The following ANKS1B variants were observed in gnomAD, a reference collection of about 807,000 sequenced individuals.
ANKS1B encodes the protein ankyrin repeat and sterile alpha motif domain-containing protein 1B.
Under a neutral mutation model 148.3 loss-of-function variants are expected in ANKS1B, and 36 were observed. The ratio of observed to expected loss-of-function variants is 0.24; its 90% CI spans 0.19 to 0.32. The LOEUF (loss-of-function observed/expected upper bound fraction) is 0.32. Ranked by LOEUF, ANKS1B falls within the 10% of genes least tolerant of loss-of-function variation. The probability of loss-of-function intolerance (pLI) is 1.00; values close to 1 mark genes in which losing one functional copy is unlikely to be tolerated. For missense variants in ANKS1B, 1,157 were observed against 1,542.6 expected, an observed-to-expected ratio of 0.75 and a Z score of 4.19; for synonymous variants, 542 against 560.8, an observed-to-expected ratio of 0.97 and a Z score of 0.47.
chr12:99,157,546 C>T (rs565910207), intron 14 of ANKS1B, among the ~76,000 whole-genome samples: 40 of 152,166 alleles, frequency 2.6e-4, no homozygotes, highest in Non-Finnish European at 1.5e-5. Context: ...AAATGCCTTT[C>T]TTGAGATTCT....
chr12:99,679,769 A>C (rs549956005), intron 8 of ANKS1B, among the ~76,000 whole-genome samples: 62 of 152,356 alleles, frequency 4.1e-4, no homozygotes, highest in Non-Finnish European at 6.6e-4. Flanking sequence ...GGAAGAAAAT[A>C]ACTGTTAAAA....
chr12:99,580,314 A>T (rs2097558417), intron 9 of ANKS1B, among the ~76,000 whole-genome samples: 1 of 152,208 alleles, frequency 6.6e-6, no homozygotes, highest in South Asian at 2.1e-4. Flanking sequence ...TTACCCATGT[A>T]ACAAACCTGC....
At position 98,881,161 on chromosome 12, in the gene ANKS1B, G is replaced by C. The variant is rs1015664295; in HGVS notation, c.2779-49025C>G. ...TCCATTTTATATTTGGTATTTAAAT[G>C]CCACATTGATAACTGAACACTGTAG... On this transcript the variant is annotated intron_variant, in intron 17 of 26. Transcript: ENST00000683438. Among the ~76,000 whole-genome samples the C allele has an allele frequency of 2.6e-5, 4 of 152,268 alleles. No individual in the cohort carries two copies. The East Asian group carries it at 7.7e-4, about 29-fold the overall frequency.
intron 25 of ANKS1B, among the ~76,000 whole-genome samples, chr12:98,770,362 T>C (rs773697437): frequency 6.6e-6 from 1 of 152,250 alleles, no homozygotes; most frequent in Non-Finnish European, 1.5e-5. Flanking sequence ...GTGAACAGGA[T>C]GAAATTTGAC....
chr12:99,887,601 G>A (rs967057901), intron 1 of ANKS1B, among the ~76,000 whole-genome samples: 2 of 152,148 alleles, frequency 1.3e-5, no homozygotes, highest in African/African-American at 4.8e-5. Context: ...TACACACAGA[G>A]TGACTTTGCA....
At chr12:98,964,105 A>T (rs1420674784) in intron 17 of ANKS1B, among the ~76,000 whole-genome samples, 3 of 152,154 alleles carry the variant, frequency 2.0e-5, no homozygotes, top group Admixed American at 6.5e-5. Flanking sequence ...CCTCAAAAAA[A>T]AAAATCTAAT....
At chr12:99,370,948 G>C (rs1043272035) in intron 12 of ANKS1B, among the ~76,000 whole-genome samples, 5 of 152,096 alleles carry the variant, frequency 3.3e-5, no homozygotes, top group African/African-American at 1.2e-4. Context: ...AAGACAAACT[G>C]GGTTTCATAT....
chr12:98,987,847 A>G (rs1031769879), intron 17 of ANKS1B, among the ~76,000 whole-genome samples: 18 of 152,150 alleles, frequency 1.2e-4, no homozygotes, highest in African/African-American at 4.3e-4. Flanking sequence ...AAACACAGAA[A>G]AATGGAGTGA....
At chr12:99,053,519 A>T (rs928095064) in intron 16 of ANKS1B, among the ~76,000 whole-genome samples, 1 of 152,222 alleles carries the variant, frequency 6.6e-6, no homozygotes. Flanking sequence ...ATATACACAG[A>T]AATTTCCAAT....
At chr12:98,921,253 C>T (rs2152907799) in intron 17 of ANKS1B, among the ~76,000 whole-genome samples, 1 of 152,214 alleles carries the variant, frequency 6.6e-6, no homozygotes, top group Non-Finnish European at 1.5e-5. Context: ...ACACCATATG[C>T]CAAGGATGCA....
chr12:98,969,700 G>C (rs565663423), intron 17 of ANKS1B, among the ~76,000 whole-genome samples: 2 of 152,074 alleles, frequency 1.3e-5, no homozygotes, highest in Non-Finnish European at 2.9e-5. Flanking sequence ...CTGTAAATTA[G>C]CTGCTAATTT....
intron 8 of ANKS1B, among the ~76,000 whole-genome samples, chr12:99,770,385 C>T (rs2153619228): frequency 6.6e-6 from 1 of 152,152 alleles, no homozygotes; most frequent in Non-Finnish European, 1.5e-5. Context: ...TGGTAAGAAC[C>T]ATCTGTATTA....
chr12:99,766,942 T>TA (rs34508156), intron 8 of ANKS1B, among the ~76,000 whole-genome samples: 38,769 of 151,934 alleles, frequency 0.26, 5,243 homozygotes, highest in African/African-American at 0.31. Flanking sequence ...TGTTTGAAGG[T>TA]AAACTTTGTT....
intron 14 of ANKS1B, among the ~76,000 whole-genome samples, chr12:99,222,005 C>T (rs989853609): frequency 6.6e-6 from 1 of 151,904 alleles, no homozygotes; most frequent in Admixed American, 6.6e-5. Flanking sequence ...AACATTCACA[C>T]AACTAAATAC....
chr12:99,072,334 A>C (rs1485625644), intron 16 of ANKS1B, among the ~76,000 whole-genome samples: 1 of 152,150 alleles, frequency 6.6e-6, no homozygotes, highest in Non-Finnish European at 1.5e-5. Flanking sequence ...GTTCCTCTAA[A>C]TGTCAGAAAC....
intron 1 of ANKS1B, among the ~76,000 whole-genome samples, chr12:99,883,071 A>T (rs977594909): frequency 2.0e-5 from 3 of 152,260 alleles, no homozygotes; most frequent in African/African-American, 7.2e-5. Flanking sequence ...AACATCAGAA[A>T]GGAAGAGAGA....
At chr12:99,193,793 CTTTTTTTTTTTTTTT>C (rs34024548) in intron 14 of ANKS1B, among the ~76,000 whole-genome samples, 2 of 66,800 alleles carry the variant, frequency 3.0e-5, no homozygotes, top group African/African-American at 6.2e-5. Context: ...ATTTCTAGTT[CTTTTTTTTTTTTTTT>C]TTTTTTTTTT....
At chr12:99,963,234 G>A (rs549779181) in intron 1 of ANKS1B, among the ~76,000 whole-genome samples, 2 of 152,250 alleles carry the variant, frequency 1.3e-5, no homozygotes, top group East Asian at 3.9e-4. Flanking sequence ...TAAGTTCCTT[G>A]TAAATTCTGG....
chr12:99,132,292 T>C (rs2066363267), intron 15 of ANKS1B, among the ~76,000 whole-genome samples: 1 of 152,028 alleles, frequency 6.6e-6, no homozygotes, highest in East Asian at 1.9e-4. Flanking sequence ...CGGGGATCAC[T>C]TTGATCAGAA....
Sources: gnomAD v4.1 joint callset for allele counts (sites outside exome capture counted in the v4.1 genomes callset) on GRCh38, gnomAD v4.1.1 for gene constraint, MANE v1.5 for transcripts, NCBI Gene and HGNC (gene_info 2026-07-23, HGNC 2026-07-21) for gene names.